The following NEGR1 variants were observed in gnomAD, a reference collection of about 807,000 sequenced individuals.
NEGR1 encodes neuronal growth regulator 1.
In NEGR1, 10 loss-of-function variants were observed where a neutral mutation model predicts 40.9. The observed-to-expected ratio is 0.24, with a 90% CI of 0.15 to 0.42. The LOEUF is 0.42. Among genes scored for constraint, NEGR1 ranks in the 10% least tolerant of loss-of-function variants. The pLI, the probability that NEGR1 is intolerant of heterozygous loss-of-function variation, is 1.00. For missense variants in NEGR1, 352 were observed against 438.9 expected (o/e 0.80, Z 1.77); for synonymous variants, 185 against 166.8 (o/e 1.11, Z -0.84).
chr1:71,820,805 G>T (rs1170716047), intron 2 of NEGR1, among the ~76,000 whole-genome samples: 1 of 151,902 alleles, frequency 6.6e-6, no homozygotes, highest in Admixed American at 6.6e-5. Context: ...CCTGGGAGTG[G>T]GAGATGGAGT....
rs537294837 is a variant in NEGR1, at chr1:71,816,800, G to A, written c.410-40503C>T. Reference sequence around the variant, plus strand: ...TCTCTGCCTTCCTGAATATTACCACGAATAAAATATTCCTGGTTCTATCAA... The same window carrying A: ...TCTCTGCCTTCCTGAATATTACCACAAATAAAATATTCCTGGTTCTATCAA... On this transcript the variant is annotated intron_variant, in intron 2 of 6. Coordinates refer to ENST00000357731, the MANE Select transcript of NEGR1 (RefSeq NM_173808.3). Among the ~76,000 whole-genome samples the A allele has an allele frequency of 1.2e-4, 18 of 151,936 alleles. No individual in the cohort carries two copies. In the South Asian group the frequency reaches 1.7e-3, roughly 14 times the overall value.
intron 1 of NEGR1, among the ~76,000 whole-genome samples, chr1:72,104,139 T>C (rs1012096878): frequency 2.0e-5 from 3 of 152,042 alleles, no homozygotes; most frequent in East Asian, 3.9e-4. Context: ...ACAGATTTTG[T>C]TTTTATCCCC....
At chr1:71,862,993 G>A (rs909315022) in intron 2 of NEGR1, among the ~76,000 whole-genome samples, 1 of 152,170 alleles carries the variant, frequency 6.6e-6, no homozygotes, top group African/African-American at 2.4e-5. Context: ...CTTTTACACT[G>A]TTGGTGGGAA....
intron 1 of NEGR1, among the ~76,000 whole-genome samples, chr1:72,197,894 G>A (rs1653055664): frequency 6.6e-6 from 1 of 151,930 alleles, no homozygotes; most frequent in Admixed American, 6.6e-5. Context: ...TAGATTTTTC[G>A]GATGAACCCA....
intron 4 of NEGR1, among the ~76,000 whole-genome samples, chr1:71,617,404 A>T (rs1267631605): frequency 4.6e-5 from 7 of 152,242 alleles, no homozygotes; most frequent in Non-Finnish European, 8.8e-5. Context: ...ACAAGGCAAC[A>T]ATGCTTGTTT....
intron 1 of NEGR1, among the ~76,000 whole-genome samples, chr1:71,939,742 C>T (rs141621141): frequency 6.6e-5 from 10 of 152,100 alleles, no homozygotes; most frequent in Non-Finnish European, 1.5e-4. Flanking sequence ...CACATAGCTA[C>T]TTGAAATAAG....
intron 1 of NEGR1, among the ~76,000 whole-genome samples, chr1:72,052,534 A>C (rs1021365027): frequency 2.0e-5 from 3 of 151,458 alleles, no homozygotes; most frequent in African/African-American, 7.3e-5. Context: ...CCAATCAAAA[A>C]CAGGACAACT....
intron 6 of NEGR1, among the ~76,000 whole-genome samples, chr1:71,491,234 A>G (rs1646925645): frequency 6.6e-6 from 1 of 152,028 alleles, no homozygotes; most frequent in Non-Finnish European, 1.5e-5. Context: ...TAGTCAAGAG[A>G]TAATTTAAAG....
intron 3 of NEGR1, among the ~76,000 whole-genome samples, chr1:71,737,078 A>T (rs1220112567): frequency 1.3e-5 from 2 of 152,212 alleles, no homozygotes; most frequent in African/African-American, 2.4e-5. Context: ...TAAGCAAAAA[A>T]GTTTTATGTG....
chr1:71,633,201 G>A (rs182187372), intron 4 of NEGR1, among the ~76,000 whole-genome samples: 2,171 of 152,056 alleles, frequency 0.014, 19 homozygotes, highest in Non-Finnish European at 0.022. Context: ...TTTCACTTAT[G>A]AGCTACACAC....
At chr1:72,137,877 C>T (rs1650527977) in intron 1 of NEGR1, among the ~76,000 whole-genome samples, 1 of 151,976 alleles carries the variant, frequency 6.6e-6, no homozygotes, top group African/African-American at 2.4e-5. Flanking sequence ...CTTGTCAAAA[C>T]TATGTAAGGC....
At chr1:71,436,025 A>G (rs565363445) in intron 6 of NEGR1, among the ~76,000 whole-genome samples, 6 of 152,252 alleles carry the variant, frequency 3.9e-5, no homozygotes, top group Non-Finnish European at 8.8e-5. Context: ...ATGGAAGAGA[A>G]CTCCAATAGA....
chr1:71,827,590 T>A (rs79913762), intron 2 of NEGR1, among the ~76,000 whole-genome samples: 2,317 of 152,072 alleles, frequency 0.015, 54 homozygotes, highest in South Asian at 0.1. Flanking sequence ...TGTTTTTTAT[T>A]ATTGTTCTCA....
intron 3 of NEGR1, among the ~76,000 whole-genome samples, chr1:71,748,021 T>C (rs770012220): frequency 6.6e-6 from 1 of 152,212 alleles, no homozygotes; most frequent in Non-Finnish European, 1.5e-5. Flanking sequence ...TCTGATTTTG[T>C]AAATACTTTC....
At chr1:72,114,768 C>T (rs151213949) in intron 1 of NEGR1, among the ~76,000 whole-genome samples, 90 of 151,868 alleles carry the variant, frequency 5.9e-4, no homozygotes, top group African/African-American at 2.1e-3. Flanking sequence ...TGAGAGCACC[C>T]TTTTATCTAA....
In NEGR1 at chr1:71,874,317, G is replaced by C. The variant is rs1029243636; in HGVS notation, c.409+60762C>G. On this transcript the variant is annotated intron_variant, in intron 2 of 6. Coordinates refer to ENST00000357731, the MANE Select transcript of NEGR1 (RefSeq NM_173808.3). ...ATTAATGAAGAAAAATAGAAGAATC[G>C]AACACTGTATTTAGGAGTAATTTGC... 2.6e-5 allele frequency among the ~76,000 whole-genome samples: 4 copies of C among 152,046 alleles called. No homozygotes were observed. In the South Asian group the frequency reaches 8.3e-4, roughly 31 times the overall value.
At chr1:71,596,437 G>T (rs1320577285) in intron 5 of NEGR1, among the ~76,000 whole-genome samples, 1 of 152,174 alleles carries the variant, frequency 6.6e-6, no homozygotes, top group Non-Finnish European at 1.5e-5. Flanking sequence ...ATATTTTCTA[G>T]TGTCAGTCAG....
chr1:71,915,287 T>A (rs1661542699), intron 2 of NEGR1, among the ~76,000 whole-genome samples: 1 of 152,210 alleles, frequency 6.6e-6, no homozygotes, highest in Non-Finnish European at 1.5e-5. Context: ...CATTTATCTA[T>A]GTTGTGCTGT....
chr1:72,164,675 T>C (rs1167343578), intron 1 of NEGR1, among the ~76,000 whole-genome samples: 8 of 152,088 alleles, frequency 5.3e-5, no homozygotes, highest in Non-Finnish European at 1.2e-4. Flanking sequence ...ATCAGTGTCT[T>C]GAATATTTAC....
Sources: allele counts gnomAD v4.1 joint callset (sites outside exome capture counted in the v4.1 genomes callset), GRCh38; gene constraint gnomAD v4.1.1; transcripts MANE v1.5; gene names NCBI Gene and HGNC (gene_info 2026-07-23, HGNC 2026-07-21).